Variants in MED13L observed in about 807,000 individuals in gnomAD.
MED13L encodes the protein mediator complex subunit 13L, also known as mediator of RNA polymerase II transcription subunit 13-like.
Under a neutral mutation model 220.9 loss-of-function variants are expected in MED13L, and 7 were observed. That is an observed-to-expected ratio of 0.03 (90% CI 0.02 to 0.06). The LOEUF is 0.06. MED13L is among the 10% of genes least tolerant of loss of function. The probability of loss-of-function intolerance (pLI) is 1.00; values close to 1 mark genes in which losing one functional copy is unlikely to be tolerated. For missense variants in MED13L, 1,965 were observed against 2,760.5 expected (o/e 0.71, Z 6.46); for synonymous variants, 1,011 against 1,015.2 (o/e 1.00, Z 0.08).
chr12:116,141,308 GGCAGCA>G (rs2138048572), intron 2 of MED13L, among the ~76,000 whole-genome samples: 1 of 152,244 alleles, frequency 6.6e-6, no homozygotes, highest in African/African-American at 2.4e-5. Context: ...AACATTAGGT[GGCAGCA>G]GCAGTACACT....
intron 4 of MED13L, among the ~76,000 whole-genome samples, chr12:116,096,354 CAAAAA>C (rs537207957): frequency 0.017 from 392 of 23,524 alleles, no homozygotes; most frequent in African/African-American, 0.043. Context: ...GACACAGCCT[CAAAAA>C]AAAAAAAAAA....
chr12:115,987,005 T>TCC (rs1294714162), intron 18 of MED13L, 104 bp downstream of exon 18: 1 of 1,149,780 alleles, frequency 8.7e-7, no homozygotes, highest in Non-Finnish European at 1.3e-6. Context: ...AGAAAAAGAC[T>TCC]CCCCTATTTT....
At chr12:116,034,143 T>C (rs1881028666) in intron 4 of MED13L, among the ~76,000 whole-genome samples, 1 of 152,128 alleles carries the variant, frequency 6.6e-6, no homozygotes, top group South Asian at 2.1e-4. Context: ...CTCCTACACA[T>C]CTCTGTGTAT....
intron 2 of MED13L, among the ~76,000 whole-genome samples, chr12:116,212,164 G>GAAC (rs5801171): frequency 0.24 from 36,673 of 151,750 alleles, 4,524 homozygotes; most frequent in Middle Eastern, 0.34. Context: ...TGTTACAACA[G>GAAC]AACATTGAAG....
chr12:116,258,404 G>A (rs1872228042), intron 1 of MED13L, among the ~76,000 whole-genome samples: 1 of 152,200 alleles, frequency 6.6e-6, no homozygotes, highest in South Asian at 2.1e-4. Context: ...AACAGCAAAA[G>A]CTCTGAGGTG....
intron 4 of MED13L, among the ~76,000 whole-genome samples, chr12:116,054,283 G>C (rs1044571446): frequency 6.6e-6 from 1 of 151,524 alleles, no homozygotes; most frequent in Non-Finnish European, 1.5e-5. Context: ...TCTATACTCT[G>C]GTATCCAAAT....
chr12:116,273,072 A>AG (rs1873514637), intron 1 of MED13L, among the ~76,000 whole-genome samples: 1 of 152,208 alleles, frequency 6.6e-6, no homozygotes, highest in Non-Finnish European at 1.5e-5. Flanking sequence ...TGGGAGGCTG[A>AG]GGCAGGTGGA....
At chr12:116,083,651 C>T (rs984934192) in intron 4 of MED13L, among the ~76,000 whole-genome samples, 4 of 152,090 alleles carry the variant, frequency 2.6e-5, no homozygotes, top group African/African-American at 9.7e-5. Context: ...CGTAATAATG[C>T]ATATGTTCAT....
chr12:116,158,251 C>A (rs780276829), intron 2 of MED13L, among the ~76,000 whole-genome samples: 1 of 151,438 alleles, frequency 6.6e-6, no homozygotes, highest in Non-Finnish European at 1.5e-5. Context: ...ATGACTTCAA[C>A]TGGGAATGAA....
intron 4 of MED13L, among the ~76,000 whole-genome samples, chr12:116,083,867 C>T (rs533985651): frequency 6.6e-6 from 1 of 152,284 alleles, no homozygotes; most frequent in African/African-American, 2.4e-5. Flanking sequence ...AAAGGAGTTA[C>T]TCCTGCATTC....
intron 2 of MED13L, among the ~76,000 whole-genome samples, chr12:116,193,288 A>G (rs1881403644): frequency 6.6e-6 from 1 of 152,200 alleles, no homozygotes; most frequent in South Asian, 2.1e-4. Flanking sequence ...TACAGCTTGG[A>G]CAACAAAGCA....
intron 14 of MED13L, among the ~76,000 whole-genome samples, chr12:115,999,225 C>A (rs934164180): frequency 6.6e-6 from 1 of 152,032 alleles, no homozygotes; most frequent in African/African-American, 2.4e-5. Flanking sequence ...CCAATCTGGG[C>A]AATATGGCGA....
intron 17 of MED13L, among the ~76,000 whole-genome samples, chr12:115,988,333 T>C (rs759572576): frequency 4.6e-5 from 7 of 152,134 alleles, no homozygotes; most frequent in Non-Finnish European, 7.4e-5. Context: ...CAAATCTAGA[T>C]TGCCAGCTTC....
chr12:115,999,552 A>C (rs906292920), intron 14 of MED13L, among the ~76,000 whole-genome samples: 4 of 152,200 alleles, frequency 2.6e-5, no homozygotes, highest in Non-Finnish European at 4.4e-5. Flanking sequence ...TCAAAGTCAC[A>C]TTGCCATAAA....
At chr12:115,997,293 T>C (rs968075971) in intron 14 of MED13L, 63 bp from the exon 15 acceptor site, 6 of 1,400,354 alleles carry the variant, frequency 4.3e-6, no homozygotes, top group African/African-American at 2.9e-5. Context: ...TCCTAGCTTA[T>C]AGCCAGGCGC....
chr12:116,199,804 A>T (rs762091383), intron 2 of MED13L, among the ~76,000 whole-genome samples: 23 of 152,248 alleles, frequency 1.5e-4, no homozygotes, highest in Non-Finnish European at 3.2e-4. Context: ...TTAACACCAT[A>T]CTTCCAACAT....
intron 1 of MED13L, among the ~76,000 whole-genome samples, chr12:116,246,025 A>C (rs1339235144): frequency 6.6e-6 from 1 of 152,144 alleles, no homozygotes; most frequent in East Asian, 1.9e-4. Flanking sequence ...CCATATAATA[A>C]AAAGAGGTCA....
chr12:116,259,286 TTTC>T (rs1246567069), intron 1 of MED13L, among the ~76,000 whole-genome samples: 1 of 152,290 alleles, frequency 6.6e-6, no homozygotes, highest in African/African-American at 2.4e-5. Flanking sequence ...TGGAGAATTA[TTTC>T]TTATCTGTAA....
rs140872502 is a variant in MED13L, at chr12:115,966,146, T to G, written c.6323A>C (p.Asn2108Thr). ...GYFVSTAKAE[N>T]LPQWFWSSCP... Reference sequence around the variant, plus strand: ...CGATGACCAAAACCACTGGGGAAGATTCTCAGCTTTGGCAGTTGATACAAA... The same window carrying G: ...CGATGACCAAAACCACTGGGGAAGAGTCTCAGCTTTGGCAGTTGATACAAA... The change falls in exon 29 of 31, where the codon AAT (asparagine) becomes ACT (threonine). Residue 2108 changes from asparagine (N) to threonine (T), a missense_variant. Asn to Thr is a moderately conservative substitution (Grantham distance 65). Coordinates refer to ENST00000281928, the MANE Select transcript of MED13L (RefSeq NM_015335.5). 6.2e-7 allele frequency: 1 copy of G among 1,614,156 alleles called. No homozygotes were observed. Among genetic ancestry groups the G allele is most frequent in the Non-Finnish European group, 8.5e-7 (1 of 1,180,014 alleles).
Sources: gnomAD v4.1 joint callset for allele counts (sites outside exome capture counted in the v4.1 genomes callset) on GRCh38, gnomAD v4.1.1 for gene constraint, MANE v1.5 for transcripts, NCBI Gene and HGNC (gene_info 2026-07-23, HGNC 2026-07-21) for gene names.